The following CHRM3 variants were observed in gnomAD, a reference collection of about 807,000 sequenced individuals.
CHRM3 encodes cholinergic receptor muscarinic 3.
A neutral mutation model predicts 41.8 loss-of-function variants in CHRM3; 11 were observed. That is an observed-to-expected ratio of 0.26 (90% confidence interval 0.17 to 0.44). The LOEUF (loss-of-function observed/expected upper bound fraction) is 0.44, where lower values mean the gene tolerates loss of function less well. Among genes scored for constraint, CHRM3 ranks in the 20% least tolerant of loss-of-function variants. The pLI is 1.00. For synonymous variants in CHRM3, 297 were observed against 301.4 expected (o/e 0.99, Z 0.15); for missense variants, 571 against 745.4 (o/e 0.77, Z 2.72).
intron 3 of CHRM3, among the ~76,000 whole-genome samples, chr1:239,574,077 G>T (rs1294850269): frequency 1.3e-5 from 2 of 152,112 alleles, no homozygotes; most frequent in African/African-American, 2.4e-5. Flanking sequence ...CCTGGCAATT[G>T]AGGGTTAGTC....
intron 3 of CHRM3, among the ~76,000 whole-genome samples, chr1:239,586,961 G>T (rs1051453508): frequency 6.6e-6 from 1 of 152,186 alleles, no homozygotes; most frequent in South Asian, 2.1e-4. Flanking sequence ...TTTGGATAAA[G>T]CTGGATTTGA....
At chr1:239,524,482 G>A (rs1048851089) in intron 2 of CHRM3, among the ~76,000 whole-genome samples, 3 of 151,622 alleles carry the variant, frequency 2.0e-5, no homozygotes, top group South Asian at 2.1e-4. Context: ...CGCCATGACC[G>A]CTCTCGGGGT....
At chr1:239,410,413 G>T (rs574732975) in intron 1 of CHRM3, among the ~76,000 whole-genome samples, 2 of 152,044 alleles carry the variant, frequency 1.3e-5, no homozygotes, top group Non-Finnish European at 2.9e-5. Flanking sequence ...GAATGTGGCC[G>T]CCTAGAGAGT....
At chr1:239,447,344 T>G (rs1235278961) in intron 1 of CHRM3, among the ~76,000 whole-genome samples, 2 of 152,130 alleles carry the variant, frequency 1.3e-5, no homozygotes, top group African/African-American at 2.4e-5. Context: ...TTAAGTAAAG[T>G]CACCTTTACA....
rs542423498 is a variant in CHRM3, at chr1:239,432,690, T to C, written c.-521+45463T>C. Among the ~76,000 whole-genome samples, 66 of 152,318 alleles carry C rather than the reference T, an allele frequency of 4.3e-4. 1 individual carries two copies. The South Asian group carries it at 0.014, about 32-fold the overall frequency. Reference sequence around the variant, plus strand: ...TAAAGGAACGTATGAAAATCAATTATGGTATCATTTAGTAAACTAATTTAA... The same window carrying C: ...TAAAGGAACGTATGAAAATCAATTACGGTATCATTTAGTAAACTAATTTAA... On this transcript the variant is annotated intron_variant, in intron 1 of 6. Coordinates refer to ENST00000676153, the MANE Select transcript of CHRM3 (RefSeq NM_001375978.1).
chr1:239,904,885 G>A (rs371015601), intron 6 of CHRM3, among the ~76,000 whole-genome samples: 1 of 152,256 alleles, frequency 6.6e-6, no homozygotes, highest in East Asian at 1.9e-4. Context: ...AGGTGAACAT[G>A]TGTACATGTA....
At chr1:239,616,549 G>A (rs1360241585) in intron 3 of CHRM3, among the ~76,000 whole-genome samples, 1 of 152,056 alleles carries the variant, frequency 6.6e-6, no homozygotes, top group Non-Finnish European at 1.5e-5. Flanking sequence ...CAGGACATTT[G>A]ATCATTTTCT....
intron 5 of CHRM3, among the ~76,000 whole-genome samples, chr1:239,771,173 T>C (rs985890867): frequency 6.6e-6 from 1 of 152,178 alleles, no homozygotes; most frequent in Non-Finnish European, 1.5e-5. Context: ...TTTCAGTGAA[T>C]AAGTTACCCA....
chr1:239,638,350 A>T (rs1670716981), intron 4 of CHRM3, among the ~76,000 whole-genome samples: 1 of 151,980 alleles, frequency 6.6e-6, no homozygotes, highest in South Asian at 2.1e-4. Flanking sequence ...TGACTTCCAC[A>T]ATGGTTGAAC....
At chr1:239,662,090 CTG>C (rs1245770252) in intron 4 of CHRM3, among the ~76,000 whole-genome samples, 2 of 146,866 alleles carry the variant, frequency 1.4e-5, no homozygotes, top group Admixed American at 6.9e-5. Flanking sequence ...AAGGAAATAT[CTG>C]TTTCAGTTTT....
chr1:239,688,377 G>T (rs1659356110), intron 5 of CHRM3, among the ~76,000 whole-genome samples: 1 of 143,410 alleles, frequency 7.0e-6, no homozygotes, highest in Non-Finnish European at 1.5e-5. Context: ...TGAAAGCATT[G>T]TTTTGGGTTT....
At chr1:239,743,358 T>A (rs146221741) in intron 5 of CHRM3, among the ~76,000 whole-genome samples, 6 of 152,322 alleles carry the variant, frequency 3.9e-5, no homozygotes, top group African/African-American at 1.4e-4. Context: ...TGAATTTTAA[T>A]TCCCAATGTC....
intron 2 of CHRM3, among the ~76,000 whole-genome samples, chr1:239,533,887 C>A (rs1362730124): frequency 6.6e-6 from 1 of 152,088 alleles, no homozygotes; most frequent in Admixed American, 6.6e-5. Flanking sequence ...ATGAGAGCTA[C>A]AATTCAAGAT....
chr1:239,431,107 G>A (rs1224559206), intron 1 of CHRM3, among the ~76,000 whole-genome samples: 2 of 152,032 alleles, frequency 1.3e-5, no homozygotes, highest in Non-Finnish European at 2.9e-5. Flanking sequence ...CCTTCATATT[G>A]AGAAGTAAAA....
intron 1 of CHRM3, among the ~76,000 whole-genome samples, chr1:239,474,033 T>C (rs562735504): frequency 7.9e-5 from 12 of 152,172 alleles, no homozygotes; most frequent in African/African-American, 2.9e-4. Flanking sequence ...TTTGAAGGGC[T>C]GAGTGTTGAG....
At chr1:239,579,842 G>A (rs10925918) in intron 3 of CHRM3, among the ~76,000 whole-genome samples, 108,170 of 151,984 alleles carry the variant, frequency 0.71, 41,488 homozygotes, top group East Asian at 0.84. Context: ...ACACTATAAG[G>A]CAGGTACTTC....
At chr1:239,736,373 C>G (rs1359208031) in intron 5 of CHRM3, among the ~76,000 whole-genome samples, 1 of 151,456 alleles carries the variant, frequency 6.6e-6, no homozygotes, top group Non-Finnish European at 1.5e-5. Context: ...GTAGTTAAAG[C>G]CACAATCAAT....
At chr1:239,388,234 C>T (rs1658706184) in intron 1 of CHRM3, among the ~76,000 whole-genome samples, 1 of 152,184 alleles carries the variant, frequency 6.6e-6, no homozygotes, top group Non-Finnish European at 1.5e-5. Context: ...CCCTCGATCC[C>T]CGCCAGTGTC....
At chr1:239,472,014 A>G (rs1487456139) in intron 1 of CHRM3, among the ~76,000 whole-genome samples, 2 of 152,128 alleles carry the variant, frequency 1.3e-5, no homozygotes, top group Non-Finnish European at 2.9e-5. Flanking sequence ...GGAGACTCCA[A>G]TACTCTGAGA....
Sources: gnomAD v4.1 joint callset for allele counts (sites outside exome capture counted in the v4.1 genomes callset) on GRCh38, gnomAD v4.1.1 for gene constraint, MANE v1.5 for transcripts, NCBI Gene and HGNC (gene_info 2026-07-23, HGNC 2026-07-21) for gene names.